The following CACNA1C variants were observed in gnomAD, a reference collection of about 807,000 sequenced individuals.
The protein encoded by CACNA1C is voltage-dependent L-type calcium channel subunit alpha-1C.
CACNA1C carries 30 observed loss-of-function variants against 229.0 expected under a neutral mutation model. The observed-to-expected ratio is 0.13, with a 90% CI of 0.10 to 0.18. CACNA1C has a LOEUF of 0.18. Among genes scored for constraint, CACNA1C ranks in the 10% least tolerant of loss-of-function variants. The probability of loss-of-function intolerance (pLI) is 1.00; values close to 1 mark genes in which losing one functional copy is unlikely to be tolerated. For synonymous variants in CACNA1C, 1,114 were observed against 1,132.5 expected (o/e 0.98, Z 0.33); for missense variants, 1,658 against 2,845.0 (o/e 0.58, Z 9.49).
intron 1 of CACNA1C, among the ~76,000 whole-genome samples, chr12:2,001,506 T>C (rs893260140): frequency 6.6e-6 from 1 of 152,220 alleles, no homozygotes; most frequent in African/African-American, 2.4e-5. Flanking sequence ...TTGGGGACTC[T>C]GCACACTGTC....
chr12:1,973,149 C>G (rs953912955), intron 1 of CACNA1C, among the ~76,000 whole-genome samples: 1 of 152,212 alleles, frequency 6.6e-6, no homozygotes, highest in East Asian at 1.9e-4. Context: ...AAAACAAAAT[C>G]TTCACTGGCC....
At chr12:2,498,561 G>A (rs188424275) in intron 7 of CACNA1C, among the ~76,000 whole-genome samples, 23 of 152,352 alleles carry the variant, frequency 1.5e-4, no homozygotes, top group Admixed American at 3.3e-4. Flanking sequence ...TTCCTGGGAC[G>A]AGGGATGTGG....
chr12:2,578,824 G>T (rs933055910), intron 13 of CACNA1C, among the ~76,000 whole-genome samples: 2 of 152,172 alleles, frequency 1.3e-5, no homozygotes, highest in Non-Finnish European at 2.9e-5. Flanking sequence ...GGCAGGGAGA[G>T]TGGGCAGAGG....
At chr12:2,024,789 A>G (rs2047027653) in intron 1 of CACNA1C, among the ~76,000 whole-genome samples, 2 of 152,154 alleles carry the variant, frequency 1.3e-5, no homozygotes, top group South Asian at 2.1e-4. Context: ...ATCTCTATAC[A>G]CTGTAGGCCA....
chr12:2,221,585 A>G (rs1325474710), intron 3 of CACNA1C: 1 of 152,222 alleles, frequency 6.6e-6, no homozygotes, highest in Non-Finnish European at 1.5e-5. Context: ...TTTTAGATAC[A>G]GCTGATGGCA....
At chr12:2,680,007 C>T (rs1019302853) in intron 42 of CACNA1C, among the ~76,000 whole-genome samples, 1 of 152,208 alleles carries the variant, frequency 6.6e-6, no homozygotes, top group Non-Finnish European at 1.5e-5. Flanking sequence ...GGCAAGTCAG[C>T]AGTGGCCTGC....
intron 3 of CACNA1C, among the ~76,000 whole-genome samples, chr12:2,140,483 G>A (rs1262243053): frequency 6.6e-6 from 1 of 151,402 alleles, no homozygotes; most frequent in Non-Finnish European, 1.5e-5. Context: ...GCATGGCTGA[G>A]ACAGCACCAG....
intron 3 of CACNA1C, among the ~76,000 whole-genome samples, chr12:2,191,660 A>T (rs975631352): frequency 2.6e-5 from 4 of 151,864 alleles, no homozygotes; most frequent in African/African-American, 9.7e-5. Context: ...ACACACACGC[A>T]CATGTACTCA....
chr12:2,564,356 A>G (rs1331492968), intron 11 of CACNA1C, among the ~76,000 whole-genome samples: 2 of 152,168 alleles, frequency 1.3e-5, no homozygotes, highest in Non-Finnish European at 2.9e-5. Context: ...CAGATTCTGC[A>G]TGCTTATTTA....
intron 1 of CACNA1C, among the ~76,000 whole-genome samples, chr12:2,023,052 T>C (rs949699899): frequency 2.1e-4 from 32 of 152,140 alleles, no homozygotes; most frequent in African/African-American, 7.7e-4. Flanking sequence ...TTAATAAGTT[T>C]TGAACAGGGA....
chr12:2,607,199 C>T, intron 26 of CACNA1C, 69 bp downstream of exon 26: 1 of 1,511,030 alleles, frequency 6.6e-7, no homozygotes, highest in Non-Finnish European at 9.0e-7. Context: ...CCAGCCCATC[C>T]CCAAGTTTTG....
At chr12:2,577,686 G>T (rs2058932988) in intron 13 of CACNA1C, among the ~76,000 whole-genome samples, 1 of 152,188 alleles carries the variant, frequency 6.6e-6, no homozygotes. Flanking sequence ...CCTCCAGGAA[G>T]TACCAATGTG....
chr12:2,556,942 CT>C lies in CACNA1C; in HGVS notation c.1482-4del. On this transcript the variant is annotated splice_polypyrimidine_tract_variant and splice_region_variant and intron_variant, in intron 10 of 46. Coordinates refer to ENST00000399655, the MANE Select transcript of CACNA1C (RefSeq NM_000719.7). ...CATCCTTTGGTAACATTTCCTTTTT[CT>C]TTTTCAGCCACCGGATCTCCAAGTC... 1 of 1,611,788 alleles carries C rather than the reference CT, an allele frequency of 6.2e-7. No homozygotes were observed.
chr12:2,183,223 G>A lies in CACNA1C; in HGVS notation c.477+62793G>A, dbSNP rs1254551578. 2.7e-5 allele frequency among the ~76,000 whole-genome samples: 4 copies of A among 150,034 alleles called. No homozygotes were observed. The Admixed American group carries it at 2.7e-4, about 10-fold the overall frequency. On this transcript the variant is annotated intron_variant, in intron 3 of 46. Transcript: ENST00000399655. ...AAATTAAATGAGTTAATTTAGGGAA[G>A]CCACTTAACATAATTCCTGGCTCAA...
chr12:2,526,893 G>A (rs2099819372), intron 9 of CACNA1C, among the ~76,000 whole-genome samples: 1 of 152,162 alleles, frequency 6.6e-6, no homozygotes, highest in Non-Finnish European at 1.5e-5. Context: ...AGTAACCCCA[G>A]CAAAGATCTG....
In CACNA1C at chr12:2,285,747, C is replaced by T. The variant is rs758195754; in HGVS notation, c.478-163229C>T. Among the ~76,000 whole-genome samples the T allele has an allele frequency of 2.6e-5, 4 of 152,146 alleles. No individual in the cohort carries two copies. The highest frequency in any genetic ancestry group is 6.5e-5 in the Admixed American group (1 of 15,276). On this transcript the variant is annotated intron_variant, in intron 3 of 46. Coordinates refer to ENST00000399655, the MANE Select transcript of CACNA1C (RefSeq NM_000719.7). This position sits in a 1 kb window ranked among gnomAD's most constrained non-coding sequence, Gnocchi z 4.2. ...ACTCTTTTTCTCAACCTGTTGCTAA[C>T]GTGCTCATTCGAGAGAGGCTGGTGC...
In CACNA1C at chr12:2,467,239, A is replaced by C. The variant is rs533329413; in HGVS notation, c.757+9533A>C. On this transcript the variant is annotated intron_variant, in intron 5 of 46. Coordinates refer to ENST00000399655, the MANE Select transcript of CACNA1C (RefSeq NM_000719.7). This position sits in a 1 kb window ranked among gnomAD's most constrained non-coding sequence, Gnocchi z 4.6. ...TTGTCCGCTGTATGTGTCTCATGGC[A>C]CTGTTCCTGAATCCGAATGTCTGGG... Among the ~76,000 whole-genome samples the C allele has an allele frequency of 3.2e-4, 49 of 152,088 alleles. No homozygotes were observed. Among genetic ancestry groups the C allele is most frequent in the African/African-American group, 1.1e-3 (47 of 41,490 alleles).
At chr12:2,249,815 G>A (rs12424172) in intron 3 of CACNA1C, among the ~76,000 whole-genome samples, 2,916 of 146,008 alleles carry the variant, frequency 0.02, 49 homozygotes, top group Non-Finnish European at 0.028. Context: ...CTGTTGCCCA[G>A]GCTGGAGTGC....
At chr12:2,487,415 C>A (rs2154570794) in intron 6 of CACNA1C, among the ~76,000 whole-genome samples, 1 of 147,916 alleles carries the variant, frequency 6.8e-6, no homozygotes, top group Admixed American at 6.8e-5. Flanking sequence ...TAGCAGAAAC[C>A]AAAACAGAAT....
Sources: gnomAD v4.1 joint callset for allele counts (sites outside exome capture counted in the v4.1 genomes callset) on GRCh38, gnomAD v4.1.1 for gene constraint, Gnocchi (gnomAD v3.1) non-coding constraint, MANE v1.5 for transcripts, NCBI Gene and HGNC (gene_info 2026-07-23, HGNC 2026-07-21) for gene names.